Variants in METTL9 observed in about 807,000 individuals in gnomAD.
METTL9 encodes protein-L-histidine N-pros-methyltransferase.
A neutral mutation model predicts 36.0 loss-of-function variants in METTL9; 10 were observed. The ratio of observed to expected loss-of-function variants is 0.28; its 90% CI spans 0.17 to 0.47. The LOEUF is 0.47. METTL9 is among the 20% of genes least tolerant of loss of function. The pLI is 0.99. For missense variants in METTL9, 246 were observed against 383.5 expected (o/e 0.64, Z 3.00); for synonymous variants, 175 against 149.7 (o/e 1.17, Z -1.23).
At chr16:21,622,200 A>C (rs980948807) in intron 3 of METTL9, among the ~76,000 whole-genome samples, 6 of 126,446 alleles carry the variant, frequency 4.7e-5, no homozygotes, top group African/African-American at 1.9e-4. Context: ...GCTGGAGTGC[A>C]GTGACACAAT....
At chr16:21,614,074 A>G (rs1965497571) in intron 2 of METTL9, among the ~76,000 whole-genome samples, 1 of 152,062 alleles carries the variant, frequency 6.6e-6, no homozygotes, top group African/African-American at 2.4e-5. Flanking sequence ...GCCATTTCTC[A>G]AGATTTCTCA....
intron 4 of METTL9, chr16:21,644,367 T>G: frequency 2.5e-6 from 4 of 1,613,826 alleles, no homozygotes; most frequent in Non-Finnish European, 3.4e-6. Flanking sequence ...GTCAGGAAGC[T>G]CCGCAGTTCC....
At chr16:21,616,438 T>C (rs964908033) in intron 2 of METTL9, among the ~76,000 whole-genome samples, 1 of 152,208 alleles carries the variant, frequency 6.6e-6, no homozygotes, top group Non-Finnish European at 1.5e-5. Context: ...ATCCCTGTCC[T>C]AGATAAACTA....
intron 4 of METTL9, among the ~76,000 whole-genome samples, chr16:21,628,668 A>AT (rs992246551): frequency 1.3e-5 from 2 of 151,642 alleles, no homozygotes; most frequent in African/African-American, 4.8e-5. Flanking sequence ...TAACTTTTGT[A>AT]TTTTTTTGGT....
chr16:21,655,095 C>A, intron 4 of METTL9, 132 bp from the exon 5 acceptor site: 1 of 738,562 alleles, frequency 1.4e-6, no homozygotes, highest in Non-Finnish European at 2.2e-6. Flanking sequence ...CTGGGAAGTA[C>A]AAAAGAGGTA....
intron 4 of METTL9, among the ~76,000 whole-genome samples, chr16:21,636,585 C>A: frequency 6.6e-6 from 1 of 152,266 alleles, no homozygotes; most frequent in South Asian, 2.1e-4. Flanking sequence ...TGCTCATGGC[C>A]GCAGGGTCAA....
rs35728063 is a variant in METTL9, at chr16:21,619,587, ATTTTTTTTT to A, written c.566+1527_566+1535del. Among the ~76,000 whole-genome samples the A allele has an allele frequency of 5.0e-3, 624 of 124,222 alleles. 8 individuals carry two copies. The highest frequency in any genetic ancestry group is 0.016 in the African/African-American group (528 of 33,480). The allele number at this position is 124,222 out of a possible 152,430, so 81.5% of individuals were successfully genotyped here. A position where few individuals can be genotyped will look rare whatever the true frequency, so the allele number is the denominator to read the frequency against. On this transcript the variant is annotated intron_variant, in intron 3 of 4. Coordinates refer to ENST00000358154, the MANE Select transcript of METTL9 (RefSeq NM_016025.5). ...AGGCACATGCCACTATGCCCGGCTAATTTTTTTTTTTTTTTTTTTTTTGTATTTTTAGTA... is the reference window on the plus strand; with the variant it reads ...AGGCACATGCCACTATGCCCGGCTAATTTTTTTTTTTTTGTATTTTTAGTA...
In METTL9 at chr16:21,655,706, A is replaced by G; in HGVS notation, c.*274A>G. 2.9e-6 allele frequency: 1 copy of G among 348,484 alleles called. No individual in the cohort carries two copies. The highest frequency in any genetic ancestry group is 5.2e-6 in the Non-Finnish European group (1 of 191,326). The allele number at this position is 348,484 out of a possible 1,614,324, so 21.6% of individuals were successfully genotyped here. ...TCACACTCCAATTATGATGGAAGAT[A>G]TTTTTTATACTTAATTGCAGTAGGG... is the stretch of plus-strand genomic sequence containing the variant. On this transcript the variant is annotated 3_prime_UTR_variant, in exon 5 of 5. Transcript: ENST00000358154.
intron 4 of METTL9, chr16:21,652,204 G>T: frequency 1.6e-5 from 3 of 191,668 alleles, no homozygotes; most frequent in East Asian, 1.2e-4. Context: ...ATCATTTATT[G>T]CTTTCTATGT....
chr16:21,621,456 G>A (rs1405458338), intron 3 of METTL9, among the ~76,000 whole-genome samples: 1 of 152,002 alleles, frequency 6.6e-6, no homozygotes, highest in East Asian at 1.9e-4. Flanking sequence ...CTCCCAAGTA[G>A]CTGGGATTAC....
chr16:21,657,048 A>C lies in METTL9; in HGVS notation c.*1616A>C, dbSNP rs892219371. The C allele has an allele frequency of 5.3e-5, 8 of 152,032 alleles. No individual in the cohort carries two copies. The highest frequency in any genetic ancestry group is 1.9e-4 in the African/African-American group (8 of 41,380). The allele number at this position is 152,032 out of a possible 1,614,324, so 9.4% of individuals were successfully genotyped here. A position where few individuals can be genotyped will look rare whatever the true frequency, so the allele number is the denominator to read the frequency against. On this transcript the variant is annotated 3_prime_UTR_variant, in exon 5 of 5. Transcript: ENST00000358154. ...TTGCTTCTTTATAAACTGTCTGTTAAAATCAGGGGTTGCTGTTAGACTGTC... is the reference window on the plus strand; with the variant it reads ...TTGCTTCTTTATAAACTGTCTGTTACAATCAGGGGTTGCTGTTAGACTGTC...
chr16:21,599,747 C>G lies in METTL9; in HGVS notation c.14C>G (p.Ala5Gly). Residue 5 changes from alanine to glycine, a missense_variant, in exon 1 of 5, where the codon GCG becomes GGG. Around this residue, in one of 2 missense-constraint regions of METTL9, gnomAD observed 100 missense variants for 81.4 expected, o/e 1.23. Coordinates refer to ENST00000358154, the MANE Select transcript of METTL9 (RefSeq NM_016025.5). This position sits in a 1 kb window ranked among gnomAD's most constrained non-coding sequence, Gnocchi z 4.4. MRLL[A>G]GWLCLSLASV... is the part of the protein sequence containing the mutation. ...CCGCGGCCCCCGATGAGACTGCTGG[C>G]GGGCTGGCTGTGCCTGAGCCTGGCG... 6.6e-7 allele frequency: 1 copy of G among 1,523,348 alleles called. No homozygotes were observed. Among genetic ancestry groups the G allele is most frequent in the Non-Finnish European group, 8.7e-7 (1 of 1,143,596 alleles). 94.4% of individuals were successfully genotyped at this position (1,523,348 alleles called of 1,614,324 possible).
At chr16:21,654,473 T>C (rs1489513651) in intron 4 of METTL9, 1 of 152,348 alleles carries the variant, frequency 6.6e-6, no homozygotes, top group Non-Finnish European at 1.5e-5. Context: ...CAGGTTTGTA[T>C]GTGAATTTGA....
chr16:21,624,361 T>A (rs181847954), intron 3 of METTL9, among the ~76,000 whole-genome samples: 184 of 152,346 alleles, frequency 1.2e-3, no homozygotes, highest in Non-Finnish European at 1.9e-3. Flanking sequence ...TTCATACTTA[T>A]TAAACATGAT....
intron 4 of METTL9, among the ~76,000 whole-genome samples, chr16:21,629,420 G>C (rs1965890452): frequency 6.6e-6 from 1 of 152,152 alleles, no homozygotes; most frequent in Non-Finnish European, 1.5e-5. Flanking sequence ...CCTGTACCTA[G>C]AAAGAGGGTC....
chr16:21,610,666 T>G (rs1409714225), intron 1 of METTL9, among the ~76,000 whole-genome samples: 1 of 152,172 alleles, frequency 6.6e-6, no homozygotes, highest in African/African-American at 2.4e-5. Context: ...TCTTGGTGCT[T>G]GAAAGCACTA....
intron 4 of METTL9, among the ~76,000 whole-genome samples, chr16:21,626,281 T>G (rs1223736345): frequency 6.6e-6 from 1 of 152,180 alleles, no homozygotes; most frequent in African/African-American, 2.4e-5. Flanking sequence ...ACAGACATTT[T>G]GAAGAAATCT....
chr16:21,627,296 GT>G (rs200194583), intron 4 of METTL9: 2 of 979,542 alleles, frequency 2.0e-6, no homozygotes, highest in African/African-American at 1.8e-5. Flanking sequence ...GGCTTAATTT[GT>G]TTTTTTTTAA....
At chr16:21,634,918 G>A (rs556440605) in intron 4 of METTL9, among the ~76,000 whole-genome samples, 6 of 152,200 alleles carry the variant, frequency 3.9e-5, no homozygotes, top group South Asian at 4.1e-4. Flanking sequence ...AGATGTTTAC[G>A]ACTCCAGTCC....
Sources: gnomAD v4.1 joint callset for allele counts (sites outside exome capture counted in the v4.1 genomes callset) on GRCh38, gnomAD v4.1.1 for gene constraint, gnomAD v4.1.1 regional missense constraint, Gnocchi (gnomAD v3.1) non-coding constraint, MANE v1.5 for transcripts, NCBI Gene and HGNC (gene_info 2026-07-23, HGNC 2026-07-21) for gene names.